GPC6: variants seen among roughly 807,000 people sequenced by gnomAD.
GPC6 encodes glypican 6.
A neutral mutation model predicts 55.2 loss-of-function variants in GPC6; 14 were observed. The observed-to-expected ratio is 0.25, with a 90% CI of 0.17 to 0.40. The LOEUF (loss-of-function observed/expected upper bound fraction) is 0.40. Among genes scored for constraint, GPC6 ranks in the 10% least tolerant of loss-of-function variants. The pLI is 1.00. For missense variants in GPC6, 641 were observed against 708.5 expected (o/e 0.90, Z 1.08); for synonymous variants, 278 against 259.6 (o/e 1.07, Z -0.68).
At chr13:93,808,692 A>G (rs1435027265) in intron 2 of GPC6, among the ~76,000 whole-genome samples, 2 of 152,246 alleles carry the variant, frequency 1.3e-5, no homozygotes, top group Admixed American at 1.3e-4. Flanking sequence ...TCCAGAAAGT[A>G]TGAGTGAGGA....
chr13:93,672,503 G>T (rs1881405021), intron 2 of GPC6, among the ~76,000 whole-genome samples: 2 of 151,812 alleles, frequency 1.3e-5, no homozygotes, highest in African/African-American at 2.4e-5. Flanking sequence ...AGTAAAATAA[G>T]AGTAAAAATT....
At chr13:94,300,668 T>C (rs769975076) in intron 5 of GPC6, among the ~76,000 whole-genome samples, 6 of 152,224 alleles carry the variant, frequency 3.9e-5, no homozygotes, top group African/African-American at 1.4e-4. Context: ...TCTGTCTGCA[T>C]TGAAGCTTCC....
chr13:94,193,579 C>T (rs1209373682), intron 4 of GPC6, among the ~76,000 whole-genome samples: 4 of 152,146 alleles, frequency 2.6e-5, no homozygotes, highest in East Asian at 1.9e-4. Context: ...TGCCAGAATA[C>T]GAAAACAGAA....
At chr13:94,328,674 C>T (rs1216312847) in intron 6 of GPC6, among the ~76,000 whole-genome samples, 1 of 152,190 alleles carries the variant, frequency 6.6e-6, no homozygotes, top group Non-Finnish European at 1.5e-5. Flanking sequence ...TATAAACAAA[C>T]AAATAATATT....
chr13:93,257,627 T>G (rs1877000714), intron 1 of GPC6, among the ~76,000 whole-genome samples: 2 of 152,144 alleles, frequency 1.3e-5, no homozygotes, highest in South Asian at 4.1e-4. Flanking sequence ...GCATAATCCT[T>G]ACATCATCTT....
intron 2 of GPC6, among the ~76,000 whole-genome samples, chr13:93,814,745 C>T (rs942089322): frequency 2.0e-5 from 3 of 152,222 alleles, no homozygotes; most frequent in Non-Finnish European, 4.4e-5. Context: ...ATTATCTCCA[C>T]AGCACCTTGT....
At chr13:94,096,473 T>C (rs1020420554) in intron 4 of GPC6, among the ~76,000 whole-genome samples, 1 of 152,180 alleles carries the variant, frequency 6.6e-6, no homozygotes, top group Non-Finnish European at 1.5e-5. Context: ...GGCTCTTTAT[T>C]GTTTCAGAGT....
intron 3 of GPC6, among the ~76,000 whole-genome samples, chr13:94,020,129 T>G (rs1882640900): frequency 6.6e-6 from 1 of 152,210 alleles, no homozygotes; most frequent in South Asian, 2.1e-4. Context: ...TTTGAAATCT[T>G]TCTTCTCTTT....
intron 3 of GPC6, among the ~76,000 whole-genome samples, chr13:93,887,762 C>G (rs998084036): frequency 6.6e-6 from 1 of 152,130 alleles, no homozygotes; most frequent in Non-Finnish European, 1.5e-5. Context: ...GACATCACTT[C>G]TAGGCTTAAT....
At chr13:94,114,977 T>C (rs1017815946) in intron 4 of GPC6, among the ~76,000 whole-genome samples, 2 of 152,098 alleles carry the variant, frequency 1.3e-5, no homozygotes, top group Non-Finnish European at 2.9e-5. Flanking sequence ...TCAGTGTGTG[T>C]CTGATTCTCA....
At chr13:93,645,898 CA>C (rs1417234099) in intron 2 of GPC6, among the ~76,000 whole-genome samples, 1 of 152,086 alleles carries the variant, frequency 6.6e-6, no homozygotes. Context: ...AAAGGAATAA[CA>C]AAATACTATT....
At chr13:94,392,683 CA>C (rs1733458060) in intron 7 of GPC6, among the ~76,000 whole-genome samples, 1 of 140,050 alleles carries the variant, frequency 7.1e-6, no homozygotes, top group African/African-American at 2.7e-5. Flanking sequence ...CCCTCTTGGT[CA>C]GGCTGGTCTC....
intron 3 of GPC6, among the ~76,000 whole-genome samples, chr13:93,930,624 A>G (rs1227676042): frequency 2.0e-5 from 3 of 152,016 alleles, no homozygotes; most frequent in Non-Finnish European, 2.9e-5. Flanking sequence ...ACATATTACC[A>G]AAAAAACCAC....
intron 3 of GPC6, among the ~76,000 whole-genome samples, chr13:93,997,174 G>GATGA (rs997856722): frequency 3.9e-5 from 6 of 152,244 alleles, no homozygotes; most frequent in African/African-American, 1.2e-4. Flanking sequence ...AGTAGGTTTT[G>GATGA]ATGAATGAAT....
intron 4 of GPC6, among the ~76,000 whole-genome samples, chr13:94,081,455 C>T (rs1017012062): frequency 1.3e-5 from 2 of 152,104 alleles, no homozygotes; most frequent in African/African-American, 4.8e-5. Context: ...GCTTTGTTAA[C>T]TTGTTAAGAG....
Position 94,226,102 on chromosome 13 carries a change from C to G in GPC6, c.878-60247C>G, listed in dbSNP as rs569060417. Among the ~76,000 whole-genome samples, 9 of 152,254 alleles carry G rather than the reference C, an allele frequency of 5.9e-5. No homozygotes were observed. In the East Asian group the frequency reaches 1.7e-3, roughly 29 times the overall value. On this transcript the variant is annotated intron_variant, in intron 4 of 8. Transcript: ENST00000377047. Reference sequence around the variant, plus strand: ...CCACTCTGCATTTTTGCTGAGATGACCAACAAATTCTTACCATCATTATGA... The same window carrying G: ...CCACTCTGCATTTTTGCTGAGATGAGCAACAAATTCTTACCATCATTATGA...
At chr13:93,654,837 AT>A (rs1255934947) in intron 2 of GPC6, among the ~76,000 whole-genome samples, 647 of 135,458 alleles carry the variant, frequency 4.8e-3, no homozygotes, top group Middle Eastern at 0.011. Flanking sequence ...ACATAACCAG[AT>A]TTTTTTTTTT....
At chr13:93,556,988 ATTTAAC>A (rs1875517837) in intron 2 of GPC6, among the ~76,000 whole-genome samples, 3 of 152,310 alleles carry the variant, frequency 2.0e-5, no homozygotes, top group South Asian at 4.1e-4. Flanking sequence ...AACTTGTATA[ATTTAAC>A]TTTAATGTGT....
At chr13:93,582,588 T>C (rs1381162594) in intron 2 of GPC6, among the ~76,000 whole-genome samples, 1 of 152,224 alleles carries the variant, frequency 6.6e-6, no homozygotes, top group East Asian at 1.9e-4. Flanking sequence ...AACAGACCTT[T>C]AGATTGAACA....
Sources: gnomAD v4.1 joint callset for allele counts (sites outside exome capture counted in the v4.1 genomes callset) on GRCh38, gnomAD v4.1.1 for gene constraint, MANE v1.5 for transcripts, NCBI Gene and HGNC (gene_info 2026-07-23, HGNC 2026-07-21) for gene names.